PSMD9: variants seen among roughly 807,000 people sequenced by gnomAD.
The protein encoded by PSMD9 is proteasome 26S subunit, non-ATPase 9.
In PSMD9, 26 loss-of-function variants were observed where a neutral mutation model predicts 25.9. The ratio of observed to expected loss-of-function variants is 1.00; its 90% CI spans 0.73 to 1.39. PSMD9 has a LOEUF of 1.39. Ranked by LOEUF, PSMD9 falls within the 40% of genes most tolerant of loss-of-function variation. The probability of loss-of-function intolerance (pLI) is 0.00; values close to 1 mark genes in which losing one functional copy is unlikely to be tolerated. For missense variants in PSMD9, 303 were observed against 299.3 expected, an observed-to-expected ratio of 1.01 and a Z score of -0.09; for synonymous variants, 110 against 114.5, an observed-to-expected ratio of 0.96 and a Z score of 0.25.
chr12:121,907,489 C>G (rs1344333590), intron 4 of PSMD9, among the ~76,000 whole-genome samples: 1 of 152,040 alleles, frequency 6.6e-6, no homozygotes, highest in Non-Finnish European at 1.5e-5. Flanking sequence ...GGCACCTGGC[C>G]TTTTTTAGCG....
At chr12:121,901,927 C>G (rs943532258) in intron 3 of PSMD9, 1 of 148,358 alleles carries the variant, frequency 6.7e-6, no homozygotes, top group African/African-American at 2.5e-5. Context: ...GTGATCCGCC[C>G]GCCTCAGCCT....
At chr12:121,893,643 G>C (rs1284533153) in intron 1 of PSMD9, among the ~76,000 whole-genome samples, 2 of 152,156 alleles carry the variant, frequency 1.3e-5, no homozygotes, top group African/African-American at 4.8e-5. Flanking sequence ...TTGGCCTACA[G>C]CTGTGTCACT....
intron 4 of PSMD9, among the ~76,000 whole-genome samples, chr12:121,913,013 T>G (rs2135732739): frequency 6.7e-6 from 1 of 150,184 alleles, no homozygotes; most frequent in South Asian, 2.1e-4. Flanking sequence ...CTCGGCTCAC[T>G]GCAAACTCCG....
At chr12:121,913,910 A>T (rs1306449881) in intron 4 of PSMD9, among the ~76,000 whole-genome samples, 1 of 146,032 alleles carries the variant, frequency 6.8e-6, no homozygotes, top group Admixed American at 6.8e-5. Context: ...ATTTATTTTT[A>T]TTTTTTTGAG....
intron 4 of PSMD9, 89 bp from the exon 5 acceptor site, chr12:121,915,767 G>A (rs1879878038): frequency 1.8e-6 from 2 of 1,130,822 alleles, no homozygotes; most frequent in African/African-American, 3.1e-5. Flanking sequence ...TTACCAATTT[G>A]ATAGGCAAAA....
Position 121,915,917 on chromosome 12 carries a change from C to G in PSMD9, c.617C>G (p.Thr206Arg). Residue 206 changes from threonine (T) to arginine (R), a missense_variant, in exon 5 of 6, where the codon ACA (threonine) becomes AGA (arginine). Physicochemically the swap from Thr to Arg is moderately conservative, Grantham distance 71 (BLOSUM62 -1). Coordinates refer to ENST00000541212, the MANE Select transcript of PSMD9 (RefSeq NM_002813.7). ...AAACACCAGCTTAGACTTGTTCCAACACGCTGGGCAGGAAAAGGACTGCTG... is the reference window on the plus strand; with the variant it reads ...AAACACCAGCTTAGACTTGTTCCAAGACGCTGGGCAGGAAAAGGACTGCTG... ...GEKHQLRLVP[T>R]RWAGKGLLGC... 6.2e-7 allele frequency: 1 copy of G among 1,613,928 alleles called. No individual in the cohort carries two copies. The highest frequency in any genetic ancestry group is 8.5e-7 in the Non-Finnish European group (1 of 1,179,946).
chr12:121,893,187 C>T (rs1879135904), intron 1 of PSMD9, among the ~76,000 whole-genome samples: 1 of 152,210 alleles, frequency 6.6e-6, no homozygotes, highest in Admixed American at 6.6e-5. Context: ...CTGGTCAACC[C>T]TTAACCACTG....
chr12:121,915,812 G>C (rs747479065), intron 4 of PSMD9, 44 bp from the exon 5 acceptor site: 12 of 1,513,210 alleles, frequency 7.9e-6, no homozygotes, highest in Non-Finnish European at 1.1e-5. Context: ...GCATCTCTGA[G>C]TACTAACGAG....
rs1879173226 is a variant in PSMD9 at position 121,894,430 on chromosome 12, A to T, written c.139-309A>T. On this transcript the variant is annotated intron_variant, in intron 1 of 5. Coordinates refer to ENST00000541212, the MANE Select transcript of PSMD9 (RefSeq NM_002813.7). ...ACCTGTGGGAAGGAGGGTGTGAAGGAGTGGAGGAAGAGGCTGGCCTTGGGG... is the reference window on the plus strand; with the variant it reads ...ACCTGTGGGAAGGAGGGTGTGAAGGTGTGGAGGAAGAGGCTGGCCTTGGGG... The T allele has an allele frequency of 1.4e-5, 4 of 275,870 alleles. No homozygotes were observed. The South Asian group carries it at 1.5e-4, about 10-fold the overall frequency. 17.1% of individuals were successfully genotyped at this position (275,870 alleles called of 1,614,324 possible).
At chr12:121,899,529 C>G in intron 2 of PSMD9, 105 bp from the exon 3 acceptor site, 1 of 1,083,946 alleles carries the variant, frequency 9.2e-7, no homozygotes, top group Non-Finnish European at 1.3e-6. Flanking sequence ...TCTAGCTCCA[C>G]ATCTGGCATG....
At chr12:121,893,616 G>A (rs959620961) in intron 1 of PSMD9, among the ~76,000 whole-genome samples, 1 of 152,146 alleles carries the variant, frequency 6.6e-6, no homozygotes. Flanking sequence ...CTGGCCTCTG[G>A]TGACTGCTGG....
At chr12:121,916,163 C>A in intron 5 of PSMD9, 121 bp from the exon 6 acceptor site, 1 of 1,346,456 alleles carries the variant, frequency 7.4e-7, no homozygotes, top group Admixed American at 1.7e-5. Flanking sequence ...TTCATTCATG[C>A]ACTAGGCATT....
chr12:121,901,919 G>A (rs1359161854), intron 3 of PSMD9: 1 of 151,676 alleles, frequency 6.6e-6, no homozygotes, highest in Non-Finnish European at 1.5e-5. Flanking sequence ...CTGACCTCGT[G>A]ATCCGCCCGC....
chr12:121,895,054 T>C (rs576838589), intron 2 of PSMD9, among the ~76,000 whole-genome samples: 72 of 150,092 alleles, frequency 4.8e-4, no homozygotes, highest in South Asian at 3.8e-3. Context: ...CTCTCTCTCT[T>C]TTTTTTTTGA....
chr12:121,914,932 C>G (rs576344802), intron 4 of PSMD9: 6 of 152,230 alleles, frequency 3.9e-5, no homozygotes, highest in Non-Finnish European at 8.8e-5. Flanking sequence ...CTTCTTTTTC[C>G]AAAGGACTAG....
intron 4 of PSMD9, among the ~76,000 whole-genome samples, chr12:121,912,987 A>T (rs533968611): frequency 7.3e-6 from 1 of 137,788 alleles, no homozygotes; most frequent in South Asian, 2.4e-4. Flanking sequence ...CCCAGGCTGG[A>T]GTGCAGTGGC....
chr12:121,918,134 G>A lies in PSMD9; in HGVS notation c.*1823G>A, dbSNP rs1296743588. 1.3e-5 allele frequency: 2 copies of A among 152,220 alleles called. No individual in the cohort carries two copies. Among genetic ancestry groups the A allele is most frequent in the Non-Finnish European group, 2.9e-5 (2 of 68,052 alleles). The allele number at this position is 152,220 out of a possible 1,614,324, so 9.4% of individuals were successfully genotyped here. On this transcript the variant is annotated 3_prime_UTR_variant, in exon 6 of 6. Coordinates refer to ENST00000541212, the MANE Select transcript of PSMD9 (RefSeq NM_002813.7). This position sits in a 1 kb window ranked among gnomAD's most constrained non-coding sequence, Gnocchi z 4.3. The stretch of plus-strand genomic sequence containing the variant: ...ATAGCCAGACCGGTTTTGCGGAAAC[G>A]CTTTGTGCTGAGAACCGCAAGCTGG...
intron 4 of PSMD9, among the ~76,000 whole-genome samples, chr12:121,911,254 G>A (rs970520366): frequency 3.3e-5 from 5 of 152,108 alleles, no homozygotes; most frequent in Non-Finnish European, 5.9e-5. Flanking sequence ...TGGCCAGGCT[G>A]GTCTTAAACT....
At chr12:121,909,707 T>G (rs913167576) in intron 4 of PSMD9, among the ~76,000 whole-genome samples, 1 of 152,166 alleles carries the variant, frequency 6.6e-6, no homozygotes, top group African/African-American at 2.4e-5. Context: ...GGGAATTCCT[T>G]GTCGGCACAT....
Sources: gnomAD v4.1 joint callset for allele counts (sites outside exome capture counted in the v4.1 genomes callset) on GRCh38, gnomAD v4.1.1 for gene constraint, Gnocchi (gnomAD v3.1) non-coding constraint, MANE v1.5 for transcripts, NCBI Gene and HGNC (gene_info 2026-07-23, HGNC 2026-07-21) for gene names.